Variants in LRP1B observed in about 807,000 individuals in gnomAD.
LRP1B encodes the protein LDL receptor related protein 1B, also known as low-density lipoprotein receptor-related protein 1B.
In LRP1B, 217 loss-of-function variants were observed where a neutral mutation model predicts 556.6. That is an observed-to-expected ratio of 0.39 (90% CI 0.35 to 0.44). LRP1B has a LOEUF of 0.44. LRP1B is among the 20% of genes least tolerant of loss of function. The pLI is 1.00. For synonymous variants in LRP1B, 2,047 were observed against 1,865.8 expected (o/e 1.10, Z -2.50); for missense variants, 5,053 against 5,620.8 (o/e 0.90, Z 3.23).
At position 141,444,415 on chromosome 2, in the gene LRP1B, G is replaced by C. The variant is rs528157009; in HGVS notation, c.343+35981C>G. Among the ~76,000 whole-genome samples the C allele has an allele frequency of 1.9e-3, 285 of 150,854 alleles. 2 individuals are homozygous for C. Among genetic ancestry groups the C allele is most frequent in the African/African-American group, 6.7e-3 (276 of 41,354 alleles). On this transcript the variant is annotated intron_variant, in intron 3 of 90. Coordinates refer to ENST00000389484, the MANE Select transcript of LRP1B (RefSeq NM_018557.3). ...ACTTCCTCTCTTCCTATTTGAATAC[G>C]CTTTCTTTCACTTGCCTGATTGTCT...
At chr2:140,235,822 CT>C (rs938886840) in intron 89 of LRP1B, among the ~76,000 whole-genome samples, 5 of 150,910 alleles carry the variant, frequency 3.3e-5, no homozygotes, top group Admixed American at 1.3e-4. Flanking sequence ...AATAACCCTC[CT>C]TCATATGAAA....
chr2:141,829,899 C>G (rs1391730860), intron 1 of LRP1B, among the ~76,000 whole-genome samples: 1 of 151,766 alleles, frequency 6.6e-6, no homozygotes, highest in Non-Finnish European at 1.5e-5. Flanking sequence ...TCTGTAGCTT[C>G]AAAGATTTAG....
chr2:141,187,189 T>C (rs1277335356), intron 7 of LRP1B, among the ~76,000 whole-genome samples: 1 of 152,060 alleles, frequency 6.6e-6, no homozygotes, highest in African/African-American at 2.4e-5. Flanking sequence ...TCAGATTGAG[T>C]CAAGTAACCA....
chr2:141,756,573 A>T (rs1002488768), intron 2 of LRP1B, among the ~76,000 whole-genome samples: 13 of 151,830 alleles, frequency 8.6e-5, no homozygotes, highest in African/African-American at 2.9e-4. Context: ...ACACACACAC[A>T]CACACACACA....
chr2:141,924,460 AG>A (rs1700282211), intron 1 of LRP1B, among the ~76,000 whole-genome samples: 6 of 152,240 alleles, frequency 3.9e-5, no homozygotes, highest in Non-Finnish European at 8.8e-5. Context: ...GCAAGAGCTA[AG>A]GATACAGAAA....
intron 60 of LRP1B, among the ~76,000 whole-genome samples, chr2:140,468,981 C>G (rs958840295): frequency 6.6e-6 from 1 of 152,128 alleles, no homozygotes; most frequent in Non-Finnish European, 1.5e-5. Flanking sequence ...AAGTTTCACT[C>G]ATATCTGATT....
chr2:141,487,648 C>T (rs1683170631), intron 2 of LRP1B, among the ~76,000 whole-genome samples: 1 of 152,118 alleles, frequency 6.6e-6, no homozygotes. Context: ...TCATCTTTCA[C>T]CCTCCCAAAA....
At chr2:142,020,886 CT>C (rs1490153404) in intron 1 of LRP1B, among the ~76,000 whole-genome samples, 2 of 152,156 alleles carry the variant, frequency 1.3e-5, no homozygotes, top group Non-Finnish European at 2.9e-5. Flanking sequence ...CTTTCTTGCT[CT>C]CTTGATTCTT....
intron 2 of LRP1B, among the ~76,000 whole-genome samples, chr2:141,702,552 A>G (rs1438238093): frequency 1.3e-5 from 2 of 149,788 alleles, no homozygotes; most frequent in South Asian, 2.1e-4. Flanking sequence ...ACCTTTGGAA[A>G]AGTTTGAGGT....
At chr2:141,297,853 A>C (rs1686240273) in intron 3 of LRP1B, among the ~76,000 whole-genome samples, 1 of 152,196 alleles carries the variant, frequency 6.6e-6, no homozygotes. Context: ...ACAATTATGT[A>C]CAGTATCCAG....
chr2:140,504,593 A>T (rs780504255), intron 53 of LRP1B, among the ~76,000 whole-genome samples: 7 of 152,186 alleles, frequency 4.6e-5, no homozygotes, highest in Non-Finnish European at 8.8e-5. Flanking sequence ...TTAACACCTC[A>T]TATTCAAAAG....
rs774644795 is a variant in LRP1B, at chr2:140,850,185, C to T, written c.4856G>A (p.Arg1619His). ...TVIDFDASEERLYWTDIKTQT... is the reference protein window; with the variant it reads ...TVIDFDASEEHLYWTDIKTQT... ...TGTTTTAATATCTGTCCAGTATAAA[C>T]GTTCCTCAGATGCATCGAAGTCTAT... Residue 1619 changes from arginine to histidine, a missense_variant, in exon 29 of 91, where the codon CGT becomes CAT. By Grantham distance (29) the Arg-to-His change is conservative (BLOSUM62 0). Around this residue, in one of 5 missense-constraint regions of LRP1B, gnomAD observed 3,619 missense variants for 3,931.9 expected, o/e 0.92. Coordinates refer to ENST00000389484, the MANE Select transcript of LRP1B (RefSeq NM_018557.3). 1.4e-5 allele frequency: 23 copies of T among 1,613,750 alleles called. No homozygotes were observed. In the East Asian group the frequency reaches 1.8e-4, roughly 13 times the overall value.
intron 2 of LRP1B, among the ~76,000 whole-genome samples, chr2:141,658,423 C>A (rs561183445): frequency 6.6e-6 from 1 of 152,262 alleles, no homozygotes; most frequent in South Asian, 2.1e-4. Context: ...CATAATGGAA[C>A]AAGGATAAAG....
chr2:140,977,975 C>A (rs1696655674), intron 18 of LRP1B, among the ~76,000 whole-genome samples: 8 of 152,168 alleles, frequency 5.3e-5, no homozygotes, highest in Admixed American at 5.2e-4. Flanking sequence ...AATTGACCAT[C>A]CAATTCCTTG....
chr2:140,753,850 C>A (rs180952592), intron 35 of LRP1B, among the ~76,000 whole-genome samples: 153 of 152,242 alleles, frequency 1.0e-3, no homozygotes, highest in African/African-American at 3.6e-3. Context: ...AATTGCTGAG[C>A]CTAAACTTCT....
chr2:141,113,677 A>T (rs1700809833), intron 7 of LRP1B, among the ~76,000 whole-genome samples: 1 of 152,170 alleles, frequency 6.6e-6, no homozygotes, highest in Admixed American at 6.5e-5. Flanking sequence ...GATGGTGTTT[A>T]AAAATGTAAA....
chr2:140,499,437 C>T (rs554877663), intron 55 of LRP1B, among the ~76,000 whole-genome samples: 10 of 151,836 alleles, frequency 6.6e-5, no homozygotes, highest in Non-Finnish European at 1.5e-4. Flanking sequence ...CACACACACA[C>T]ATATACACAC....
At chr2:141,822,130 C>G (rs352995) in intron 1 of LRP1B, among the ~76,000 whole-genome samples, 38,700 of 93,100 alleles carry the variant, frequency 0.42, 7,828 homozygotes, top group African/African-American at 0.51. Context: ...CACACACACA[C>G]AGAGAGAGAG....
intron 43 of LRP1B, among the ~76,000 whole-genome samples, chr2:140,566,670 C>A (rs1681138023): frequency 6.6e-6 from 1 of 152,148 alleles, no homozygotes; most frequent in African/African-American, 2.4e-5. Context: ...GCACTTTGCC[C>A]ACTACGCTAA....
Sources: gnomAD v4.1 joint callset for allele counts (sites outside exome capture counted in the v4.1 genomes callset) on GRCh38, gnomAD v4.1.1 for gene constraint, gnomAD v4.1.1 regional missense constraint, MANE v1.5 for transcripts, NCBI Gene and HGNC (gene_info 2026-07-23, HGNC 2026-07-21) for gene names.